GPR55: variants seen among roughly 807,000 people sequenced by gnomAD.
GPR55 encodes G-protein coupled receptor 55.
A neutral mutation model predicts 7.9 loss-of-function variants in GPR55; 6 were observed. The observed-to-expected ratio is 0.76, with a 90% CI of 0.41 to 1.49. The LOEUF is 1.49. GPR55 is among the 40% of genes most tolerant of loss of function. The pLI is 0.01. For synonymous variants in GPR55, 183 were observed against 166.8 expected, an observed-to-expected ratio of 1.10 and a Z score of -0.75; for missense variants, 376 against 406.0, an observed-to-expected ratio of 0.93 and a Z score of 0.63.
chr2:230,909,946 A>C lies in GPR55; in HGVS notation c.*57T>G. On this transcript the variant is annotated 3_prime_UTR_variant, in exon 2 of 2. Coordinates refer to ENST00000650999, the MANE Select transcript of GPR55 (RefSeq NM_005683.4). ...CCACATCAAAACCCTGGAACGCGAT[A>C]TCCGTTACCAGAATTCAGGGCCAGG... 1 of 1,529,200 alleles carries C rather than the reference A, an allele frequency of 6.5e-7. No homozygotes were observed. The highest frequency in any genetic ancestry group is 1.2e-5 in the South Asian group (1 of 81,426). The allele number at this position is 1,529,200 out of a possible 1,614,324, so 94.7% of individuals were successfully genotyped here.
rs532775284 is a variant in GPR55 at position 230,944,861 on chromosome 2, A to G, written c.-135+15914T>C. Among the ~76,000 whole-genome samples the G allele has an allele frequency of 1.4e-4, 21 of 152,340 alleles. No homozygotes were observed. Among genetic ancestry groups the G allele is most frequent in the African/African-American group, 4.3e-4 (18 of 41,588 alleles). ...ATGCTGGTTGTTCAGCCCTCCAAGA[A>G]TCATTCTTGATGCCCTGCAAATACC... On this transcript the variant is annotated intron_variant, in intron 1 of 1. Coordinates refer to the GPR55 transcript ENST00000392039. The surrounding 1 kb of genome is among the most constrained non-coding windows in gnomAD (Gnocchi z 4.2).
chr2:230,950,577 G>A (rs1050752033), intron 1 of GPR55, among the ~76,000 whole-genome samples: 3 of 152,090 alleles, frequency 2.0e-5, no homozygotes, highest in Non-Finnish European at 4.4e-5. Flanking sequence ...AGAGATTCGC[G>A]ACACTGGAAA....
At chr2:230,942,380 C>A (rs1453416481) in intron 1 of GPR55, among the ~76,000 whole-genome samples, 1 of 152,194 alleles carries the variant, frequency 6.6e-6, no homozygotes, top group East Asian at 1.9e-4. Flanking sequence ...ATTACTTAGT[C>A]CTCAGGGGCA....
At chr2:230,938,831 C>T (rs1691174361) in intron 1 of GPR55, among the ~76,000 whole-genome samples, 1 of 152,196 alleles carries the variant, frequency 6.6e-6, no homozygotes, top group African/African-American at 2.4e-5. Flanking sequence ...AGCCTCTAAA[C>T]CTCATTATTT....
At chr2:230,913,745 A>T (rs1030977457) in intron 1 of GPR55, among the ~76,000 whole-genome samples, 11 of 152,176 alleles carry the variant, frequency 7.2e-5, no homozygotes, top group African/African-American at 2.2e-4. Flanking sequence ...CTTGGAACTC[A>T]CAAGGCAAAT....
intron 1 of GPR55, among the ~76,000 whole-genome samples, chr2:230,960,344 A>G (rs79599170): frequency 0.023 from 3,517 of 152,302 alleles, 124 homozygotes; most frequent in East Asian, 0.17. Flanking sequence ...GGTAAGATAC[A>G]GAAGTTACTG....
chr2:230,951,243 T>C (rs1691400511), intron 1 of GPR55, among the ~76,000 whole-genome samples: 1 of 152,016 alleles, frequency 6.6e-6, no homozygotes, highest in South Asian at 2.1e-4. Flanking sequence ...AGGTAGACAG[T>C]GTTGGAATTG....
chr2:230,919,978 T>C (rs1224014401), intron 1 of GPR55, among the ~76,000 whole-genome samples: 1 of 142,206 alleles, frequency 7.0e-6, no homozygotes, highest in East Asian at 2.0e-4. Context: ...AACCCACGCA[T>C]AGAGGGGAAA....
intron 1 of GPR55, among the ~76,000 whole-genome samples, chr2:230,915,827 A>G (rs974884431): frequency 7.7e-6 from 1 of 129,206 alleles, no homozygotes; most frequent in Non-Finnish European, 1.6e-5. Context: ...TTCGTATCCA[A>G]CCAGGCGTTC....
At chr2:230,949,267 G>A (rs954262171) in intron 1 of GPR55, among the ~76,000 whole-genome samples, 2 of 152,012 alleles carry the variant, frequency 1.3e-5, no homozygotes, top group African/African-American at 2.4e-5. Context: ...GGGTTAAAGC[G>A]ATTCTCCTGC....
rs551823198 is a variant in GPR55 at position 230,912,984 on chromosome 2, A to G, written c.-134-1888T>C. Among the ~76,000 whole-genome samples the G allele has an allele frequency of 2.4e-3, 371 of 152,360 alleles. 3 individuals are homozygous for G. Among genetic ancestry groups the G allele is most frequent in the African/African-American group, 8.7e-3 (362 of 41,584 alleles). ...TACATATATGCAAATATATGCATGC[A>G]TACATATACATGTATGACTTCTTTA... is the stretch of plus-strand genomic sequence containing the variant. On this transcript the variant is annotated intron_variant, in intron 1 of 1. Coordinates refer to ENST00000650999, the MANE Select transcript of GPR55 (RefSeq NM_005683.4).
At position 230,908,520 on chromosome 2, in the gene GPR55, C is replaced by G. The variant is rs1288513763; in HGVS notation, c.*1483G>C. 2.6e-5 allele frequency: 4 copies of G among 155,750 alleles called. No homozygotes were observed. The highest frequency in any genetic ancestry group is 9.6e-5 in the African/African-American group (4 of 41,484). 9.6% of individuals were successfully genotyped at this position (155,750 alleles called of 1,614,324 possible). ...AGCTTCCCCTCCTTTTCCTCTTCCTCTTCCTCCTCCTCCTCCCCACAGGTC... is the reference window on the plus strand; with the variant it reads ...AGCTTCCCCTCCTTTTCCTCTTCCTGTTCCTCCTCCTCCTCCCCACAGGTC... On this transcript the variant is annotated 3_prime_UTR_variant, in exon 2 of 2. Transcript: ENST00000650999.
intron 1 of GPR55, among the ~76,000 whole-genome samples, chr2:230,914,545 A>T (rs1690665243): frequency 7.7e-6 from 1 of 130,156 alleles, no homozygotes. Context: ...GCCTCACTGT[A>T]GTAAGATAAA....
At chr2:230,946,872 T>C (rs2125068135) in intron 1 of GPR55, among the ~76,000 whole-genome samples, 1 of 152,338 alleles carries the variant, frequency 6.6e-6, no homozygotes, top group Middle Eastern at 3.4e-3. Flanking sequence ...GGTGCTCATG[T>C]GGTTCTTTAG....
At chr2:230,928,557 T>C (rs1439280820), upstream of GPR55, 2 of 151,942 alleles carry the variant, frequency 1.3e-5, no homozygotes. Flanking sequence ...TCAGAAAACG[T>C]TGTTTTAGGA....
intron 1 of GPR55, among the ~76,000 whole-genome samples, chr2:230,930,467 T>C (rs896798428): frequency 1.3e-5 from 2 of 151,608 alleles, no homozygotes; most frequent in Non-Finnish European, 2.9e-5. Context: ...TTCTTTCTTT[T>C]TTTTTTTTTT....
upstream of GPR55, among the ~76,000 whole-genome samples, chr2:230,930,106 C>G (rs1341351724): frequency 6.6e-6 from 1 of 152,264 alleles, no homozygotes; most frequent in Non-Finnish European, 1.5e-5. Context: ...TGAGGGGATT[C>G]TGCTCACCTC....
At chr2:230,936,451 T>C (rs556938461) in intron 1 of GPR55, among the ~76,000 whole-genome samples, 11 of 152,320 alleles carry the variant, frequency 7.2e-5, no homozygotes, top group Admixed American at 4.6e-4. Flanking sequence ...ACTTCTCTTA[T>C]GACGCCATGT....
chr2:230,957,985 G>A lies in GPR55; in HGVS notation c.-135+2790C>T, dbSNP rs1574639001. The A allele has an allele frequency of 9.5e-6, 4 of 422,272 alleles. No individual in the cohort carries two copies. In the East Asian group the frequency reaches 2.3e-4, roughly 25 times the overall value. The allele number at this position is 422,272 out of a possible 1,614,324, so 26.2% of individuals were successfully genotyped here. A position where few individuals can be genotyped will look rare whatever the true frequency, so the allele number is the denominator to read the frequency against. ...CTTGAGCATAGAAATCAGACTCCCT[G>A]AAGTCAGTGTGAACAAAGCTAAGCT... On this transcript the variant is annotated intron_variant, in intron 1 of 1. Transcript: ENST00000392039.
Sources: allele counts gnomAD v4.1 joint callset (sites outside exome capture counted in the v4.1 genomes callset), GRCh38; gene constraint gnomAD v4.1.1; non-coding constraint Gnocchi (gnomAD v3.1); transcripts MANE v1.5; gene names NCBI Gene and HGNC (gene_info 2026-07-23, HGNC 2026-07-21).